Variants in TENM1 observed in about 807,000 individuals in gnomAD.
The protein encoded by TENM1 is teneurin-1.
TENM1 carries 35 observed loss-of-function variants against 174.8 expected under a neutral mutation model. The ratio of observed to expected loss-of-function variants is 0.20; its 90% CI spans 0.15 to 0.27. The LOEUF is 0.27. Ranked by LOEUF, TENM1 falls within the 10% of genes least tolerant of loss-of-function variation. The pLI is 1.00. For missense variants in TENM1, 1,633 were observed against 2,130.1 expected (o/e 0.77, Z 4.59); for synonymous variants, 781 against 798.7 (o/e 0.98, Z 0.37).
chrX:124,737,606 G>C (rs1221000910), intron 3 of TENM1, among the ~76,000 whole-genome samples: 1 of 111,827 alleles, frequency 8.9e-6, no homozygotes, highest in African/African-American at 3.3e-5. Flanking sequence ...TTTGTTGCAA[G>C]GAAAATCATT....
chrX:124,411,964 A>G (rs1432500441), intron 25 of TENM1: 1 of 112,226 alleles, frequency 8.9e-6, no homozygotes, highest in East Asian at 2.8e-4. Flanking sequence ...AGGCCACAGC[A>G]TGGGAGCAAA....
the TENM1 span, among the ~76,000 whole-genome samples, chrX:125,132,967 C>T: frequency 9.0e-6 from 1 of 110,876 alleles, no homozygotes; most frequent in Non-Finnish European, 1.9e-5. Context: ...TTTCTCCTTT[C>T]TTCTTCTTCT....
the TENM1 span, among the ~76,000 whole-genome samples, chrX:125,071,143 C>T: frequency 3.1e-4 from 35 of 111,739 alleles, no homozygotes; most frequent in African/African-American, 1.1e-3. Flanking sequence ...AAATTTCACA[C>T]CCAAAACTGA....
intron 5 of TENM1, among the ~76,000 whole-genome samples, chrX:124,685,963 T>C (rs1354439413): frequency 9.0e-6 from 1 of 111,638 alleles, no homozygotes; most frequent in Non-Finnish European, 1.9e-5. Context: ...TTCCCAAATC[T>C]GAAGAAGGAA....
the TENM1 span, among the ~76,000 whole-genome samples, chrX:125,057,355 CAT>C: frequency 2.2e-5 from 2 of 90,363 alleles, no homozygotes; most frequent in African/African-American, 1.0e-4. Flanking sequence ...TCTATACATA[CAT>C]ACACACACAC....
the TENM1 span, among the ~76,000 whole-genome samples, chrX:125,135,572 T>C: frequency 8.9e-6 from 1 of 111,788 alleles, no homozygotes; most frequent in Non-Finnish European, 1.9e-5. Flanking sequence ...AAGCTTGGTA[T>C]TGCATTAATG....
chrX:124,813,223 A>T (rs1030045122), intron 3 of TENM1, among the ~76,000 whole-genome samples: 7 of 111,564 alleles, frequency 6.3e-5, no homozygotes, highest in African/African-American at 2.0e-4. Context: ...AATAAAATAA[A>T]TGCAAAATAA....
chrX:124,656,332 T>A lies in TENM1; in HGVS notation c.1169-2549A>T, dbSNP rs1261409713. On this transcript the variant is annotated intron_variant, in intron 6 of 31. Transcript: ENST00000422452. Reference sequence around the variant, plus strand: ...TTCAATAAATCAAAAGAAAGGAAGTTGTGTTGTTGGGCTTCTCTGTTTATT... The same window carrying A: ...TTCAATAAATCAAAAGAAAGGAAGTAGTGTTGTTGGGCTTCTCTGTTTATT... Among the ~76,000 whole-genome samples the A allele has an allele frequency of 8.9e-5, 10 of 112,382 alleles. 1 individual carries two copies. The East Asian group carries it at 2.8e-3, about 31-fold the overall frequency.
At chrX:124,506,983 A>C (rs1352875398) in intron 18 of TENM1, among the ~76,000 whole-genome samples, 1 of 111,859 alleles carries the variant, frequency 8.9e-6, no homozygotes, top group Non-Finnish European at 1.9e-5. Context: ...CTAAATAAGC[A>C]CAGTGGACCA....
intron 5 of TENM1, among the ~76,000 whole-genome samples, chrX:124,702,147 T>C (rs2052791358): frequency 8.9e-6 from 1 of 112,152 alleles, no homozygotes; most frequent in Non-Finnish European, 1.9e-5. Flanking sequence ...ATGAAATGGT[T>C]TCATATTTTG....
intron 3 of TENM1, among the ~76,000 whole-genome samples, chrX:124,783,988 A>G (rs1425621068): frequency 8.9e-6 from 1 of 112,312 alleles, no homozygotes; most frequent in Non-Finnish European, 1.9e-5. Context: ...GAATGAAGAA[A>G]CTCAACTGAG....
intron 14 of TENM1, among the ~76,000 whole-genome samples, chrX:124,556,977 T>G (rs2148147770): frequency 8.9e-6 from 1 of 112,106 alleles, no homozygotes; most frequent in South Asian, 3.7e-4. Flanking sequence ...TGTTTATCAT[T>G]TTCTCTCCAG....
At chrX:124,703,360 G>A (rs188468758) in intron 5 of TENM1, among the ~76,000 whole-genome samples, 1 of 112,074 alleles carries the variant, frequency 8.9e-6, no homozygotes, top group African/African-American at 3.2e-5. Flanking sequence ...CACTTTTGCT[G>A]ATGAAATGAA....
chrX:124,841,581 T>G (rs1474459645), intron 3 of TENM1, among the ~76,000 whole-genome samples: 1 of 105,484 alleles, frequency 9.5e-6, no homozygotes, highest in Non-Finnish European at 1.9e-5. Context: ...CCATCTTGGC[T>G]AGCAGGTGAG....
the TENM1 span, among the ~76,000 whole-genome samples, chrX:125,072,717 T>TAA: frequency 9.0e-6 from 1 of 111,011 alleles, no homozygotes; most frequent in South Asian, 3.8e-4. Flanking sequence ...AGTATAATAA[T>TAA]AATAAAATAA....
chrX:124,730,116 C>T (rs1327579641), intron 4 of TENM1, among the ~76,000 whole-genome samples: 3 of 110,584 alleles, frequency 2.7e-5, no homozygotes, highest in East Asian at 2.8e-4. Flanking sequence ...GTGATCCACC[C>T]GCCTCAGCCT....
chrX:124,411,037 C>G (rs1181785013), intron 25 of TENM1, among the ~76,000 whole-genome samples: 1 of 112,102 alleles, frequency 8.9e-6, no homozygotes, highest in African/African-American at 3.2e-5. Flanking sequence ...CATAGGGGTA[C>G]AAGGGTCAAA....
chrX:124,705,678 G>C (rs1041757222), intron 4 of TENM1, among the ~76,000 whole-genome samples: 7 of 111,346 alleles, frequency 6.3e-5, no homozygotes, highest in African/African-American at 2.3e-4. Flanking sequence ...TTAGAGACTA[G>C]CTTCACAGCC....
the TENM1 span, among the ~76,000 whole-genome samples, chrX:125,010,113 T>C: frequency 2.7e-5 from 3 of 111,594 alleles, no homozygotes; most frequent in African/African-American, 6.5e-5. Flanking sequence ...GACATGATTC[T>C]ATATTTTAAA....
Sources: gnomAD v4.1 joint callset for allele counts (sites outside exome capture counted in the v4.1 genomes callset) on GRCh38, gnomAD v4.1.1 for gene constraint, MANE v1.5 for transcripts, NCBI Gene and HGNC (gene_info 2026-07-23, HGNC 2026-07-21) for gene names.